ARMH3: variants seen among roughly 807,000 people sequenced by gnomAD.
The protein encoded by ARMH3 is armadillo like helical domain containing 3.
In ARMH3, 60 loss-of-function variants were observed where a neutral mutation model predicts 99.1. That is an observed-to-expected ratio of 0.61 (90% CI 0.49 to 0.75). The LOEUF is 0.75. ARMH3 is among the 30% of genes least tolerant of loss of function. The probability of loss-of-function intolerance (pLI) is 0.00; values close to 1 mark genes in which losing one functional copy is unlikely to be tolerated. For missense variants in ARMH3, 679 were observed against 843.1 expected (o/e 0.81, Z 2.41); for synonymous variants, 285 against 292.8 (o/e 0.97, Z 0.27).
intron 15 of ARMH3, 102 bp downstream of exon 15, chr10:102,001,869 T>C (rs1216706309): frequency 3.0e-5 from 31 of 1,039,012 alleles, no homozygotes; most frequent in Non-Finnish European, 3.4e-5. Flanking sequence ...AAGGCCCCAA[T>C]AGTTCATCTT....
chr10:101,864,072 AAAAAAAACACAC>A (rs1446047283), intron 24 of ARMH3, among the ~76,000 whole-genome samples: 6 of 134,550 alleles, frequency 4.5e-5, no homozygotes, highest in Admixed American at 1.5e-4. Context: ...AAAAAAAAAA[AAAAAAAACACAC>A]ACACACACAC....
At chr10:102,012,918 C>G (rs1402892582) in intron 9 of ARMH3, 42 bp from the exon 10 acceptor site, 1 of 1,533,122 alleles carries the variant, frequency 6.5e-7, no homozygotes, top group East Asian at 2.3e-5. Flanking sequence ...AGACAGTAGC[C>G]TTTGGGAGTT....
In ARMH3 at chr10:101,845,712, C is replaced by G. The variant is rs1253895765; in HGVS notation, c.*1816G>C. The G allele has an allele frequency of 6.6e-6, 1 of 152,234 alleles. No homozygotes were observed. Among genetic ancestry groups the G allele is most frequent in the Non-Finnish European group, 1.5e-5 (1 of 68,046 alleles). The allele number at this position is 152,234 out of a possible 1,614,324, so 9.4% of individuals were successfully genotyped here. On this transcript the variant is annotated 3_prime_UTR_variant, in exon 26 of 26. Coordinates refer to ENST00000370033, the MANE Select transcript of ARMH3 (RefSeq NM_024541.3). ...CACTAAATGCCCCAGGCTGAGCTAT[C>G]CATCCAGTGATCAGATGACCCAGCC...
chr10:101,858,806 T>G (rs2066792474), intron 24 of ARMH3, among the ~76,000 whole-genome samples: 1 of 152,158 alleles, frequency 6.6e-6, no homozygotes, highest in African/African-American at 2.4e-5. Flanking sequence ...AGCTAGATGC[T>G]TAGCACTCTG....
intron 8 of ARMH3, among the ~76,000 whole-genome samples, chr10:102,015,412 C>T (rs538307942): frequency 4.9e-5 from 7 of 142,914 alleles, no homozygotes; most frequent in East Asian, 2.1e-4. Context: ...TTTTTTGAGA[C>T]GGAATTTTGC....
intron 22 of ARMH3, among the ~76,000 whole-genome samples, chr10:101,944,063 CAA>C (rs1221438055): frequency 1.1e-4 from 7 of 66,598 alleles, no homozygotes; most frequent in Admixed American, 5.1e-4. Flanking sequence ...GACTCCATCT[CAA>C]AAAAAAAAAA....
At chr10:101,968,258 A>G (rs182602267) in intron 20 of ARMH3, among the ~76,000 whole-genome samples, 221 of 152,166 alleles carry the variant, frequency 1.5e-3, no homozygotes, top group Admixed American at 5.0e-3. Flanking sequence ...CTAGGGCCCT[A>G]TACCACCTGC....
intron 1 of ARMH3, among the ~76,000 whole-genome samples, chr10:102,045,588 G>A (rs2067528617): frequency 6.6e-6 from 1 of 152,220 alleles, no homozygotes. Flanking sequence ...TGCCTAAACA[G>A]AGCATAAACA....
intron 8 of ARMH3, among the ~76,000 whole-genome samples, chr10:102,022,460 C>T (rs1445306887): frequency 1.4e-5 from 2 of 141,808 alleles, no homozygotes; most frequent in Non-Finnish European, 3.1e-5. Flanking sequence ...CCACTGCACT[C>T]CAGCCTGGGC....
At chr10:101,993,900 T>C (rs572388172) in intron 16 of ARMH3, among the ~76,000 whole-genome samples, 12 of 152,312 alleles carry the variant, frequency 7.9e-5, no homozygotes, top group Non-Finnish European at 1.5e-4. Flanking sequence ...TGTTTTCCTA[T>C]TCCCTCTTCC....
chr10:101,905,575 T>C (rs2068082815), intron 23 of ARMH3, among the ~76,000 whole-genome samples: 1 of 152,192 alleles, frequency 6.6e-6, no homozygotes, highest in South Asian at 2.1e-4. Context: ...AGGGAAGACA[T>C]TCTAGGTAAA....
chr10:101,975,734 T>G (rs1452187256), intron 19 of ARMH3, among the ~76,000 whole-genome samples: 1 of 151,716 alleles, frequency 6.6e-6, no homozygotes, highest in Non-Finnish European at 1.5e-5. Flanking sequence ...TGTGGTGACA[T>G]GTACCTGTAG....
At chr10:101,937,224 G>C (rs774587291) in intron 23 of ARMH3, among the ~76,000 whole-genome samples, 4 of 152,098 alleles carry the variant, frequency 2.6e-5, no homozygotes, top group Non-Finnish European at 5.9e-5. Context: ...GGACTTAGAA[G>C]ACCTATGATT....
intron 19 of ARMH3, among the ~76,000 whole-genome samples, chr10:101,982,225 A>C (rs1378126361): frequency 6.6e-6 from 1 of 151,702 alleles, no homozygotes; most frequent in Non-Finnish European, 1.5e-5. Context: ...TACCAAAAAA[A>C]AAACACAAAA....
intron 24 of ARMH3, among the ~76,000 whole-genome samples, chr10:101,874,727 T>G (rs148619075): frequency 9.5e-4 from 145 of 152,292 alleles, no homozygotes; most frequent in African/African-American, 3.4e-3. Flanking sequence ...GAATGAGAGA[T>G]ACTACATGAT....
chr10:102,013,779 C>T (rs1172661156), intron 9 of ARMH3, among the ~76,000 whole-genome samples, 189 bp downstream of exon 9: 1 of 152,148 alleles, frequency 6.6e-6, no homozygotes, highest in African/African-American at 2.4e-5. Flanking sequence ...ATCTTCCTTC[C>T]ATGATAATAA....
At chr10:101,860,564 C>T (rs940865490) in intron 24 of ARMH3, among the ~76,000 whole-genome samples, 2 of 152,132 alleles carry the variant, frequency 1.3e-5, no homozygotes, top group African/African-American at 4.8e-5. Context: ...CGAGAAGGAG[C>T]TTCAGAAATT....
intron 24 of ARMH3, among the ~76,000 whole-genome samples, chr10:101,859,618 G>C (rs2066816092): frequency 2.0e-5 from 3 of 152,208 alleles, no homozygotes; most frequent in Admixed American, 1.3e-4. Flanking sequence ...GTTCAATGTA[G>C]CGATGGATTC....
At chr10:102,044,231 C>T (rs948879333) in intron 1 of ARMH3, among the ~76,000 whole-genome samples, 2 of 151,624 alleles carry the variant, frequency 1.3e-5, no homozygotes. Flanking sequence ...GTAGCTGAGA[C>T]ACCTGGCTAA....
Sources: gnomAD v4.1 joint callset for allele counts (sites outside exome capture counted in the v4.1 genomes callset) on GRCh38, gnomAD v4.1.1 for gene constraint, MANE v1.5 for transcripts, NCBI Gene and HGNC (gene_info 2026-07-23, HGNC 2026-07-21) for gene names.